WDFY3: variants seen among roughly 807,000 people sequenced by gnomAD.
WDFY3 encodes the protein WD repeat and FYVE domain-containing protein 3.
WDFY3 carries 66 observed loss-of-function variants against 409.6 expected under a neutral mutation model. The observed-to-expected ratio is 0.16, with a 90% CI of 0.13 to 0.20. The LOEUF (loss-of-function observed/expected upper bound fraction) is 0.20, where lower values mean the gene tolerates loss of function less well. WDFY3 is among the 10% of genes least tolerant of loss of function. The probability of loss-of-function intolerance (pLI) is 1.00; values close to 1 mark genes in which losing one functional copy is unlikely to be tolerated. For missense variants in WDFY3, 3,031 were observed against 4,298.1 expected, an observed-to-expected ratio of 0.71 and a Z score of 8.24; for synonymous variants, 1,521 against 1,537.1, an observed-to-expected ratio of 0.99 and a Z score of 0.25.
chr4:84,680,166 G>A (rs982555178), intron 64 of WDFY3, among the ~76,000 whole-genome samples: 2 of 152,186 alleles, frequency 1.3e-5, no homozygotes, highest in Non-Finnish European at 2.9e-5. Flanking sequence ...TAGGATTACA[G>A]GCGTGGGCCA....
intron 57 of WDFY3, 75 bp from the exon 58 acceptor site, chr4:84,696,257 G>C: frequency 7.5e-7 from 1 of 1,341,950 alleles, no homozygotes; most frequent in South Asian, 1.3e-5. Flanking sequence ...ACCTTGGTAA[G>C]TGGTTAATAG....
chr4:84,805,325 A>AT (rs1343189285), intron 15 of WDFY3, among the ~76,000 whole-genome samples: 3 of 152,146 alleles, frequency 2.0e-5, no homozygotes, highest in Non-Finnish European at 4.4e-5. Flanking sequence ...ACAGTAGTAC[A>AT]TTTTTTATCT....
rs540758504 is a variant in WDFY3 at position 84,670,991 on chromosome 4, A to G, written c.*1877T>C. On this transcript the variant is annotated 3_prime_UTR_variant, in exon 68 of 68. Coordinates refer to ENST00000295888, the MANE Select transcript of WDFY3 (RefSeq NM_014991.6). Reference sequence around the variant, plus strand: ...AACAAGTATATTTGAACTTTTAGAAATGGAAGTGTTTTAATCAATTTTGAT... The same window carrying G: ...AACAAGTATATTTGAACTTTTAGAAGTGGAAGTGTTTTAATCAATTTTGAT... 51 of 152,764 alleles carry G rather than the reference A, an allele frequency of 3.3e-4. No individual in the cohort carries two copies. The highest frequency in any genetic ancestry group is 1.1e-3 in the African/African-American group (46 of 41,576). 9.5% of individuals were successfully genotyped at this position (152,764 alleles called of 1,614,324 possible). A position where few individuals can be genotyped will look rare whatever the true frequency, so the allele number is the denominator to read the frequency against.
chr4:84,805,198 C>T (rs1751315838), intron 15 of WDFY3, among the ~76,000 whole-genome samples: 1 of 152,104 alleles, frequency 6.6e-6, no homozygotes, highest in Non-Finnish European at 1.5e-5. Flanking sequence ...GGGTCCCATA[C>T]TCAAGATATC....
At chr4:84,824,512 ATATAC>A (rs1215565033) in intron 10 of WDFY3, among the ~76,000 whole-genome samples, 1 of 152,196 alleles carries the variant, frequency 6.6e-6, no homozygotes, top group African/African-American at 2.4e-5. Flanking sequence ...AAAAAAAACT[ATATAC>A]TGTATGATTA....
chr4:84,726,346 A>G (rs2149115909), intron 45 of WDFY3, among the ~76,000 whole-genome samples: 1 of 152,292 alleles, frequency 6.6e-6, no homozygotes, highest in South Asian at 2.1e-4. Flanking sequence ...GAATACAAAA[A>G]CGATAATTAA....
intron 2 of WDFY3, among the ~76,000 whole-genome samples, chr4:84,904,936 C>T (rs568789872): frequency 3.9e-5 from 6 of 152,134 alleles, no homozygotes; most frequent in Admixed American, 2.6e-4. Flanking sequence ...GTCAGGAGTT[C>T]GCACATTGGT....
At chr4:84,829,805 G>A (rs931805923) in intron 8 of WDFY3, among the ~76,000 whole-genome samples, 1 of 24,586 alleles carries the variant, frequency 4.1e-5, no homozygotes, top group Admixed American at 4.5e-4. Flanking sequence ...GAGCGAGACT[G>A]TCTCAAAATA....
chr4:84,792,513 T>A (rs1191331244), intron 21 of WDFY3, among the ~76,000 whole-genome samples: 1 of 152,230 alleles, frequency 6.6e-6, no homozygotes, highest in South Asian at 2.1e-4. Context: ...TTTCCAGCAC[T>A]GAGTGGTGTG....
chr4:84,769,454 G>A (rs538953548), intron 30 of WDFY3, among the ~76,000 whole-genome samples: 86 of 151,894 alleles, frequency 5.7e-4, no homozygotes, highest in African/African-American at 1.9e-3. Context: ...TCACTCTGTC[G>A]CCCAGGCTGG....
intron 23 of WDFY3, among the ~76,000 whole-genome samples, chr4:84,786,987 A>G (rs1747669608): frequency 6.6e-6 from 1 of 152,226 alleles, no homozygotes; most frequent in Non-Finnish European, 1.5e-5. Context: ...AGGAACTGCC[A>G]GCTTAACATC....
At position 84,843,426 on chromosome 4, in the gene WDFY3, G is replaced by A. The variant is rs77221368; in HGVS notation, c.305-2163C>T. Among the ~76,000 whole-genome samples the A allele has an allele frequency of 5.6e-3, 849 of 152,122 alleles. 9 individuals are homozygous for A. Among genetic ancestry groups the A allele is most frequent in the African/African-American group, 0.02 (811 of 41,500 alleles). On this transcript the variant is annotated intron_variant, in intron 5 of 67. Coordinates refer to ENST00000295888, the MANE Select transcript of WDFY3 (RefSeq NM_014991.6). ...TTTTATTTTATTATTTTTGAGACAA[G>A]GTCTCACTCTATTGTCCAGGCTGGA...
intron 29 of WDFY3, among the ~76,000 whole-genome samples, chr4:84,773,533 G>C (rs1745034475): frequency 6.6e-6 from 1 of 152,030 alleles, no homozygotes; most frequent in African/African-American, 2.4e-5. Flanking sequence ...ACGTGACCTG[G>C]GGCTTTGTTT....
chr4:84,672,677 C>T lies in WDFY3; in HGVS notation c.*191G>A, dbSNP rs1725599669. ...CCTCATATTCTTCTTGTGCTGTTCA[C>T]CTGAATCGCGTCTGCCCCATTCCTG... is the stretch of plus-strand genomic sequence containing the variant. On this transcript the variant is annotated 3_prime_UTR_variant, in exon 68 of 68. Coordinates refer to ENST00000295888, the MANE Select transcript of WDFY3 (RefSeq NM_014991.6). The T allele has an allele frequency of 1.4e-5, 9 of 652,678 alleles. No individual in the cohort carries two copies. The South Asian group carries it at 2.1e-4, about 15-fold the overall frequency. 40.4% of individuals were successfully genotyped at this position (652,678 alleles called of 1,614,324 possible).
At chr4:84,842,755 T>C (rs1015050355) in intron 5 of WDFY3, among the ~76,000 whole-genome samples, 3 of 152,218 alleles carry the variant, frequency 2.0e-5, no homozygotes, top group Non-Finnish European at 2.9e-5. Flanking sequence ...CACTCCAGCC[T>C]AGGCAACAGA....
At chr4:84,679,933 C>G (rs1032744788) in intron 64 of WDFY3, among the ~76,000 whole-genome samples, 53 of 152,024 alleles carry the variant, frequency 3.5e-4, no homozygotes, top group African/African-American at 1.3e-3. Flanking sequence ...CTGTGTCACC[C>G]AGGCTGGAGT....
At chr4:84,750,513 C>G (rs994046310) in intron 36 of WDFY3, among the ~76,000 whole-genome samples, 5 of 152,020 alleles carry the variant, frequency 3.3e-5, no homozygotes, top group Admixed American at 2.6e-4. Context: ...TGCTGAGAGA[C>G]AGTGCAGTTC....
intron 2 of WDFY3, among the ~76,000 whole-genome samples, chr4:84,901,806 T>A (rs2150624465): frequency 6.6e-6 from 1 of 152,330 alleles, no homozygotes; most frequent in South Asian, 2.1e-4. Flanking sequence ...GGCTTTATAA[T>A]CCATTCACAA....
intron 3 of WDFY3, among the ~76,000 whole-genome samples, chr4:84,889,789 C>CA (rs1028236671): frequency 1.1e-3 from 174 of 152,174 alleles, no homozygotes; most frequent in African/African-American, 4.0e-3. Flanking sequence ...ATGACTACCA[C>CA]ATGGAAGGCA....
Sources: gnomAD v4.1 joint callset for allele counts (sites outside exome capture counted in the v4.1 genomes callset) on GRCh38, gnomAD v4.1.1 for gene constraint, MANE v1.5 for transcripts, NCBI Gene and HGNC (gene_info 2026-07-23, HGNC 2026-07-21) for gene names.